LRP6: variants seen among roughly 807,000 people sequenced by gnomAD.
LRP6 encodes LDL receptor related protein 6, also known as low-density lipoprotein receptor-related protein 6.
Under a neutral mutation model 184.1 loss-of-function variants are expected in LRP6, and 43 were observed. The ratio of observed to expected loss-of-function variants is 0.23; its 90% CI spans 0.18 to 0.30. The LOEUF is 0.30. LRP6 is among the 10% of genes least tolerant of loss of function. LRP6 has a pLI of 1.00. For missense variants in LRP6, 1,571 were observed against 2,005.3 expected, an observed-to-expected ratio of 0.78 and a Z score of 4.14; for synonymous variants, 719 against 684.9, an observed-to-expected ratio of 1.05 and a Z score of -0.78.
chr12:12,169,698 C>T (rs1425620470), intron 7 of LRP6, among the ~76,000 whole-genome samples: 2 of 152,216 alleles, frequency 1.3e-5, no homozygotes, highest in Non-Finnish European at 2.9e-5. Context: ...TTGCTTTACT[C>T]ACTTGAGCAC....
At position 12,117,702 on chromosome 12, in the gene LRP6, G is replaced by A. The variant is rs546935020; in HGVS notation, c.*3424C>T. The A allele has an allele frequency of 1.3e-5, 2 of 152,202 alleles. No individual in the cohort carries two copies. Among genetic ancestry groups the A allele is most frequent in the Non-Finnish European group, 2.9e-5 (2 of 68,022 alleles). The allele number at this position is 152,202 out of a possible 1,614,324, so 9.4% of individuals were successfully genotyped here. A position where few individuals can be genotyped will look rare whatever the true frequency, so the allele number is the denominator to read the frequency against. On this transcript the variant is annotated 3_prime_UTR_variant, in exon 23 of 23. Transcript: ENST00000261349. Reference sequence around the variant, plus strand: ...CACACTTCATTAACACACTAGGTAAGCTACAGCTATTAACTCTACTGGAAG... The same window carrying A: ...CACACTTCATTAACACACTAGGTAAACTACAGCTATTAACTCTACTGGAAG...
intron 2 of LRP6, among the ~76,000 whole-genome samples, chr12:12,214,635 G>A (rs770006995): frequency 6.6e-6 from 1 of 152,198 alleles, no homozygotes; most frequent in Non-Finnish European, 1.5e-5. Flanking sequence ...TAAGTCATGT[G>A]AGAACTTTCT....
In LRP6 at chr12:12,207,862, G is replaced by A. The variant is rs114493748; in HGVS notation, c.450-4462C>T. 3.8e-3 allele frequency among the ~76,000 whole-genome samples: 575 copies of A among 152,244 alleles called. 2 individuals are homozygous for A. Among genetic ancestry groups the A allele is most frequent in the African/African-American group, 0.013 (549 of 41,550 alleles). ...AATGGGGTAACACTAACTTGCTGGT[G>A]TTCAGGAACAACCTTTAAGCAATCA... On this transcript the variant is annotated intron_variant, in intron 2 of 22. Coordinates refer to ENST00000261349, the MANE Select transcript of LRP6 (RefSeq NM_002336.3).
chr12:12,156,201 T>C (rs902473456), intron 12 of LRP6, among the ~76,000 whole-genome samples: 2 of 152,142 alleles, frequency 1.3e-5, no homozygotes, highest in Non-Finnish European at 2.9e-5. Flanking sequence ...TTAAATAGCA[T>C]AGACCAGGTG....
At chr12:12,246,685 A>T (rs1049294376) in intron 1 of LRP6, among the ~76,000 whole-genome samples, 28 of 151,752 alleles carry the variant, frequency 1.8e-4, no homozygotes, top group Admixed American at 1.6e-3. Flanking sequence ...AAAAAAAAAA[A>T]GAGTGAGTTA....
chr12:12,251,251 C>T (rs774730650), intron 1 of LRP6, among the ~76,000 whole-genome samples: 5 of 152,036 alleles, frequency 3.3e-5, no homozygotes, highest in African/African-American at 4.8e-5. Flanking sequence ...TAAGATTTGA[C>T]GGGTTTATTT....
intron 2 of LRP6, among the ~76,000 whole-genome samples, chr12:12,209,069 A>G (rs1229451401): frequency 2.0e-5 from 3 of 152,210 alleles, no homozygotes; most frequent in African/African-American, 7.2e-5. Flanking sequence ...CTACTAATCT[A>G]TACTCTGCGC....
chr12:12,116,133 T>C lies in LRP6; in HGVS notation c.*4993A>G, dbSNP rs934400705. On this transcript the variant is annotated 3_prime_UTR_variant, in exon 23 of 23. Coordinates refer to ENST00000261349, the MANE Select transcript of LRP6 (RefSeq NM_002336.3). Reference sequence around the variant, plus strand: ...GTTTATACAAGGTATTTTTATACAGTTTATAATTAAAGCACTTATTTTACA... The same window carrying C: ...GTTTATACAAGGTATTTTTATACAGCTTATAATTAAAGCACTTATTTTACA... 1 of 152,222 alleles carries C rather than the reference T, an allele frequency of 6.6e-6. No homozygotes were observed. The highest frequency in any genetic ancestry group is 1.5e-5 in the Non-Finnish European group (1 of 68,036). 9.4% of individuals were successfully genotyped at this position (152,222 alleles called of 1,614,324 possible).
intron 1 of LRP6, among the ~76,000 whole-genome samples, chr12:12,245,937 T>C (rs536111059): frequency 6.6e-5 from 10 of 151,988 alleles, no homozygotes; most frequent in Non-Finnish European, 1.5e-4. Flanking sequence ...CACGCAGCTA[T>C]GGAGCGCTTA....
intron 7 of LRP6, among the ~76,000 whole-genome samples, chr12:12,165,683 T>C (rs1862860716): frequency 6.6e-6 from 1 of 152,236 alleles, no homozygotes; most frequent in South Asian, 2.1e-4. Context: ...TAACATCTTT[T>C]ATTTTATCTT....
At chr12:12,121,448 C>T (rs747316306) in intron 22 of LRP6, 28 bp from the exon 23 acceptor site, 1 of 1,607,716 alleles carries the variant, frequency 6.2e-7, no homozygotes, top group East Asian at 2.2e-5. Flanking sequence ...TAAAGAGAAG[C>T]AGTTAGTTTT....
At chr12:12,229,154 T>C (rs1434120396) in intron 2 of LRP6, among the ~76,000 whole-genome samples, 1 of 152,186 alleles carries the variant, frequency 6.6e-6, no homozygotes, top group Non-Finnish European at 1.5e-5. Context: ...GTGGATCACC[T>C]GAGGTTGGGA....
intron 15 of LRP6, among the ~76,000 whole-genome samples, chr12:12,144,886 G>T (rs1287397761): frequency 6.7e-6 from 1 of 150,014 alleles, no homozygotes; most frequent in Non-Finnish European, 1.5e-5. Flanking sequence ...ACACAGGGTG[G>T]GGAACATCAC....
At chr12:12,262,519 C>CT (rs1441346926) in intron 1 of LRP6, among the ~76,000 whole-genome samples, 2 of 150,616 alleles carry the variant, frequency 1.3e-5, no homozygotes, top group Non-Finnish European at 2.9e-5. Context: ...GATCGCGGCA[C>CT]TGCACTTCAG....
At chr12:12,126,618 T>G in intron 20 of LRP6, 73 bp downstream of exon 20, 1 of 1,162,890 alleles carries the variant, frequency 8.6e-7, no homozygotes, top group African/African-American at 1.5e-5. Flanking sequence ...TAGGTAGTAT[T>G]CTTTTCCACA....
chr12:12,175,013 T>C (rs1462099292), intron 7 of LRP6, among the ~76,000 whole-genome samples: 1 of 152,236 alleles, frequency 6.6e-6, no homozygotes, highest in African/African-American at 2.4e-5. Flanking sequence ...TCTCTTTTTA[T>C]CTATACTATC....
intron 20 of LRP6, among the ~76,000 whole-genome samples, chr12:12,126,024 T>C (rs1949667399): frequency 2.0e-5 from 3 of 152,180 alleles, no homozygotes; most frequent in Admixed American, 6.5e-5. Context: ...GTTACACCCA[T>C]AGTAAGTTCC....
chr12:12,119,371 A>G lies in LRP6; in HGVS notation c.*1755T>C, dbSNP rs1263211133. The G allele has an allele frequency of 1.3e-5, 2 of 152,192 alleles. No individual in the cohort carries two copies. Among genetic ancestry groups the G allele is most frequent in the Admixed American group, 6.5e-5 (1 of 15,270 alleles). The allele number at this position is 152,192 out of a possible 1,614,324, so 9.4% of individuals were successfully genotyped here. A position where few individuals can be genotyped will look rare whatever the true frequency, so the allele number is the denominator to read the frequency against. On this transcript the variant is annotated 3_prime_UTR_variant, in exon 23 of 23. Coordinates refer to ENST00000261349, the MANE Select transcript of LRP6 (RefSeq NM_002336.3). ...TTAAAAAAGAAAAAAAAAAAATTCA[A>G]TAATTAACTGACCAACACCTCTTAA...
intron 2 of LRP6, among the ~76,000 whole-genome samples, chr12:12,229,747 T>C (rs1167391337): frequency 6.6e-6 from 1 of 152,226 alleles, no homozygotes; most frequent in African/African-American, 2.4e-5. Flanking sequence ...AATATCTCCC[T>C]TGGCTTCTCA....
Sources: allele counts gnomAD v4.1 joint callset (sites outside exome capture counted in the v4.1 genomes callset), GRCh38; gene constraint gnomAD v4.1.1; transcripts MANE v1.5; gene names NCBI Gene and HGNC (gene_info 2026-07-23, HGNC 2026-07-21).